The following DLGAP2 variants were observed in gnomAD, a reference collection of about 807,000 sequenced individuals.
DLGAP2 encodes DLG associated protein 2, also known as disks large-associated protein 2.
DLGAP2 carries 26 observed loss-of-function variants against 100.3 expected under a neutral mutation model. The observed-to-expected ratio is 0.26, with a 90% CI of 0.19 to 0.36. DLGAP2 has a LOEUF of 0.36. DLGAP2 is among the 10% of genes least tolerant of loss of function. The probability of loss-of-function intolerance (pLI) is 1.00; values close to 1 mark genes in which losing one functional copy is unlikely to be tolerated. For synonymous variants in DLGAP2, 886 were observed against 630.1 expected (o/e 1.41, Z -6.08); for missense variants, 1,858 against 1,453.2 (o/e 1.28, Z -4.53).
In DLGAP2 at chr8:1,053,996, T is replaced by TACAACA. The variant is rs1286400754; in HGVS notation, c.73+146032_73+146037dup. Among the ~76,000 whole-genome samples the TACAACA allele has an allele frequency of 4.9e-4, 74 of 152,308 alleles. 1 individual carries two copies. Among genetic ancestry groups the TACAACA allele is most frequent in the African/African-American group, 1.7e-3 (72 of 41,560 alleles). On this transcript the variant is annotated intron_variant, in intron 2 of 14. Coordinates refer to ENST00000637795, the MANE Select transcript of DLGAP2 (RefSeq NM_001346810.2). ...GTGTAAAGAAATCTGTGGTTAGCAG[T>TACAACA]ACAACAAATGTGTTACACCGGCTTC...
chr8:1,211,929 A>C (rs1197415615), intron 2 of DLGAP2, among the ~76,000 whole-genome samples: 1 of 152,224 alleles, frequency 6.6e-6, no homozygotes, highest in Non-Finnish European at 1.5e-5. Context: ...CATCGCTTTC[A>C]GTGCTCCTCG....
intron 2 of DLGAP2, among the ~76,000 whole-genome samples, chr8:1,068,733 G>C (rs887935956): frequency 6.6e-6 from 1 of 152,158 alleles, no homozygotes; most frequent in African/African-American, 2.4e-5. Context: ...GGGGCTCAGC[G>C]CATGTGGGTC....
intron 2 of DLGAP2, among the ~76,000 whole-genome samples, chr8:1,196,668 T>C (rs1249217073): frequency 2.0e-5 from 3 of 152,142 alleles, no homozygotes; most frequent in Non-Finnish European, 4.4e-5. Context: ...AAACCACATA[T>C]GTCAGGAAAG....
At chr8:1,216,460 CT>C (rs1195570216) in intron 2 of DLGAP2, among the ~76,000 whole-genome samples, 1 of 151,638 alleles carries the variant, frequency 6.6e-6, no homozygotes, top group African/African-American at 2.4e-5. Flanking sequence ...GAGATCCTCC[CT>C]CTTCAACCTC....
At chr8:751,579 A>T (rs1343885017) in intron 1 of DLGAP2, among the ~76,000 whole-genome samples, 1 of 151,802 alleles carries the variant, frequency 6.6e-6, no homozygotes, top group Non-Finnish European at 1.5e-5. Context: ...CTGACACTTT[A>T]TAGTAAGTCC....
intron 3 of DLGAP2, among the ~76,000 whole-genome samples, chr8:1,436,734 CACCCACTT>C (rs1253954167): frequency 6.6e-6 from 1 of 152,180 alleles, no homozygotes; most frequent in Admixed American, 6.5e-5. Context: ...CCCATTCACT[CACCCACTT>C]ACCCATTCAC....
chr8:988,898 G>C (rs1308332870), intron 2 of DLGAP2, among the ~76,000 whole-genome samples: 1 of 152,198 alleles, frequency 6.6e-6, no homozygotes, highest in Non-Finnish European at 1.5e-5. Context: ...TTTCTCAGAT[G>C]CTTCTCTGTC....
At chr8:1,219,445 G>C (rs11778204) in intron 2 of DLGAP2, among the ~76,000 whole-genome samples, 38,499 of 151,978 alleles carry the variant, frequency 0.25, 7,051 homozygotes, top group African/African-American at 0.52. Flanking sequence ...AACCAAACTT[G>C]CATCCAGGAA....
chr8:1,310,188 C>T (rs565744234), intron 3 of DLGAP2, among the ~76,000 whole-genome samples: 14 of 151,026 alleles, frequency 9.3e-5, no homozygotes, highest in East Asian at 3.9e-4. Context: ...AAAATATATA[C>T]GCAACAGGAA....
chr8:1,144,664 C>G (rs905033725), intron 2 of DLGAP2, among the ~76,000 whole-genome samples: 8 of 152,208 alleles, frequency 5.3e-5, no homozygotes, highest in Non-Finnish European at 1.0e-4. Context: ...CTTTTCCTTC[C>G]TGTGTGCTGT....
At chr8:1,452,842 C>A (rs1455102176) in intron 3 of DLGAP2, among the ~76,000 whole-genome samples, 2 of 152,166 alleles carry the variant, frequency 1.3e-5, no homozygotes, top group African/African-American at 4.8e-5. Flanking sequence ...ACCAGATTGT[C>A]TCAGGACGGT....
intron 1 of DLGAP2, among the ~76,000 whole-genome samples, chr8:895,415 CCT>C (rs1292067037): frequency 2.0e-5 from 3 of 152,174 alleles, no homozygotes; most frequent in Non-Finnish European, 2.9e-5. Context: ...GCTCTTTCCA[CCT>C]CTGTTTCCGG....
At chr8:1,125,033 G>A (rs1796133987) in intron 2 of DLGAP2, among the ~76,000 whole-genome samples, 2 of 152,168 alleles carry the variant, frequency 1.3e-5, no homozygotes, top group East Asian at 3.9e-4. Flanking sequence ...GCACCTCCTC[G>A]TTCAGGGTCT....
intron 2 of DLGAP2, among the ~76,000 whole-genome samples, chr8:958,201 C>T (rs577145394): frequency 6.6e-6 from 1 of 152,262 alleles, no homozygotes; most frequent in East Asian, 1.9e-4. Context: ...TATGTGGTGG[C>T]CTGTGTCAGA....
intron 6 of DLGAP2, among the ~76,000 whole-genome samples, chr8:1,617,223 C>T (rs1472563439): frequency 1.3e-5 from 2 of 152,198 alleles, no homozygotes; most frequent in African/African-American, 4.8e-5. Context: ...AATGAGTTCT[C>T]TTCCTTTGTG....
intron 2 of DLGAP2, among the ~76,000 whole-genome samples, chr8:1,040,028 AGCTCGGTGTGCATGGTCG>A (rs1375511243): frequency 3.0e-5 from 3 of 98,962 alleles, no homozygotes; most frequent in African/African-American, 8.0e-5. Context: ...TTCCGTGGTC[AGCTCGGTGTGCATGGTCG>A]GCTCGGTGTG....
chr8:1,102,721 C>T (rs528976413), intron 2 of DLGAP2, among the ~76,000 whole-genome samples: 5 of 152,186 alleles, frequency 3.3e-5, no homozygotes, highest in South Asian at 2.1e-4. Flanking sequence ...GGCACCTTTG[C>T]GTCTGCACTC....
At chr8:1,067,604 CGTGTGTGTGTGT>C (rs3220190) in intron 2 of DLGAP2, among the ~76,000 whole-genome samples, 23 of 140,404 alleles carry the variant, frequency 1.6e-4, no homozygotes, top group Admixed American at 5.6e-4. Flanking sequence ...GGTTGAGTGA[CGTGTGTGTGTGT>C]GTGTGTGTGT....
Position 831,005 on chromosome 8 carries a change from C to A in DLGAP2, c.19-76907C>A, listed in dbSNP as rs925822597. On this transcript the variant is annotated intron_variant, in intron 1 of 14. Coordinates refer to ENST00000637795, the MANE Select transcript of DLGAP2 (RefSeq NM_001346810.2). ...TTGCCTCCCGAGTTCAAGCGATTCT[C>A]CTGCCTCAGCCTCCCAAGTAGCTGG... Among the ~76,000 whole-genome samples, 11 of 151,146 alleles carry A rather than the reference C, an allele frequency of 7.3e-5. No individual in the cohort carries two copies. In the East Asian group the frequency reaches 2.0e-3, roughly 27 times the overall value.
Sources: allele counts gnomAD v4.1 joint callset (sites outside exome capture counted in the v4.1 genomes callset), GRCh38; gene constraint gnomAD v4.1.1; transcripts MANE v1.5; gene names NCBI Gene and HGNC (gene_info 2026-07-23, HGNC 2026-07-21).